The following PRH1 variants were observed in gnomAD, a reference collection of about 807,000 sequenced individuals.
PRH1 encodes the protein proline rich protein HaeIII subfamily 1, also known as salivary acidic proline-rich phosphoprotein 1/2.
In PRH1, 7 loss-of-function variants were observed where a neutral mutation model predicts 7.9. That is an observed-to-expected ratio of 0.89 (90% CI 0.50 to 1.67). PRH1 has a LOEUF of 1.67. Ranked by LOEUF, PRH1 falls within the 40% of genes most tolerant of loss-of-function variation. The pLI, the probability that PRH1 is intolerant of heterozygous loss-of-function variation, is 0.00. For missense variants in PRH1, 109 were observed against 223.6 expected (o/e 0.49, Z 3.27); for synonymous variants, 45 against 80.8 (o/e 0.56, Z 2.38).
intron 1 of PRH1, chr12:11,091,779 C>G (rs201455884): frequency 0.34 from 256,858 of 764,922 alleles, 77,988 homozygotes; most frequent in Admixed American, 0.45. Flanking sequence ...CGCACAATCT[C>G]ATTCATGTTT....
intron 1 of PRH1, among the ~76,000 whole-genome samples, chr12:11,143,965 G>A (rs1321667224): frequency 2.0e-5 from 3 of 152,190 alleles, no homozygotes; most frequent in East Asian, 1.9e-4. Flanking sequence ...CTCAGCCTTG[G>A]ACACCAGTGC....
At chr12:11,133,124 C>T in intron 1 of PRH1, 4 of 787,568 alleles carry the variant, frequency 5.1e-6, no homozygotes, top group South Asian at 3.8e-5. Context: ...TTTTCATACA[C>T]ACACACACAC....
chr12:11,061,294 A>G, intron 1 of PRH1: 1 of 1,530,430 alleles, frequency 6.5e-7, no homozygotes, highest in South Asian at 1.3e-5. Context: ...AAAACACAGT[A>G]AGAAATATAA....
intron 2 of PRH1, among the ~76,000 whole-genome samples, chr12:10,894,296 T>C (rs1949615463): frequency 6.6e-6 from 1 of 152,178 alleles, no homozygotes; most frequent in Non-Finnish European, 1.5e-5. Context: ...CTGTTGTAGA[T>C]GGTCAAGATT....
At chr12:10,983,288 T>A (rs1391296808) in intron 1 of PRH1, among the ~76,000 whole-genome samples, 3 of 152,150 alleles carry the variant, frequency 2.0e-5, no homozygotes, top group African/African-American at 7.2e-5. Flanking sequence ...CCTCTAAGCA[T>A]AAGCACTTCT....
At chr12:10,889,296 C>A (rs990859424) in intron 2 of PRH1, among the ~76,000 whole-genome samples, 2 of 152,154 alleles carry the variant, frequency 1.3e-5, no homozygotes, top group Admixed American at 1.3e-4. Context: ...ACATAAACAT[C>A]TGGTAGACCA....
intron 2 of PRH1, among the ~76,000 whole-genome samples, chr12:10,902,107 T>A (rs2135811218): frequency 6.6e-6 from 1 of 152,010 alleles, no homozygotes; most frequent in South Asian, 2.1e-4. Context: ...TGAAAATGAA[T>A]ACAGAGAGAT....
intron 1 of PRH1, among the ~76,000 whole-genome samples, chr12:11,056,200 T>G (rs1341465069): frequency 6.6e-6 from 1 of 152,284 alleles, no homozygotes; most frequent in Non-Finnish European, 1.5e-5. Flanking sequence ...ATTAGTTGTT[T>G]AATTAAAATA....
chr12:11,135,135 A>T (rs1946508248), intron 1 of PRH1, among the ~76,000 whole-genome samples: 1 of 152,154 alleles, frequency 6.6e-6, no homozygotes, highest in Admixed American at 6.6e-5. Context: ...TTATTATTTA[A>T]TTAAAATGTT....
chr12:10,917,867 A>G (rs1949994780), intron 2 of PRH1, among the ~76,000 whole-genome samples: 1 of 152,160 alleles, frequency 6.6e-6, no homozygotes, highest in South Asian at 2.1e-4. Context: ...AAGGCTCCTC[A>G]GGTTTTGCCT....
At chr12:10,945,578 G>A (rs932178390) in intron 2 of PRH1, among the ~76,000 whole-genome samples, 169 of 152,260 alleles carry the variant, frequency 1.1e-3, no homozygotes, top group African/African-American at 3.8e-3. Context: ...GAGGCAGGGC[G>A]AGATCACAGG....
chr12:10,889,177 T>C (rs143572347), upstream of PRH1, among the ~76,000 whole-genome samples: 700 of 152,360 alleles, frequency 4.6e-3, 6 homozygotes, highest in African/African-American at 0.016. Context: ...CATTTGGCTA[T>C]TATTTAAAGA....
In PRH1 at chr12:11,085,808, C is replaced by T. The variant is rs796191482; in HGVS notation, n.124-38620G>A. Among the ~76,000 whole-genome samples, 8 of 94,206 alleles carry T rather than the reference C, an allele frequency of 8.5e-5. 3 individuals carry two copies. The highest frequency in any genetic ancestry group is 6.6e-4 in the Admixed American group (6 of 9,052). The allele number at this position is 94,206 out of a possible 152,430, so 61.8% of individuals were successfully genotyped here. A position where few individuals can be genotyped will look rare whatever the true frequency, so the allele number is the denominator to read the frequency against. ...GAAATTTTTTCCTTGTTTAACCTGT[C>T]TATAATTTGTGTTCAGCAATGTCGG... On this transcript the variant is annotated intron_variant and non_coding_transcript_variant, in intron 1 of 4. Transcript: ENST00000541977.
At chr12:11,074,294 C>T (rs1313651505) in intron 1 of PRH1, among the ~76,000 whole-genome samples, 1 of 151,780 alleles carries the variant, frequency 6.6e-6, no homozygotes. Context: ...AGCATCCTGC[C>T]TTCTAATGTG....
chr12:10,982,863 C>T (rs1939423416), intron 1 of PRH1, among the ~76,000 whole-genome samples: 1 of 152,048 alleles, frequency 6.6e-6, no homozygotes, highest in Admixed American at 6.5e-5. Context: ...GGCATGTTGC[C>T]CTATATATAT....
intron 2 of PRH1, among the ~76,000 whole-genome samples, chr12:10,945,757 C>T (rs371021566): frequency 3.9e-5 from 6 of 152,226 alleles, no homozygotes; most frequent in African/African-American, 2.4e-5. Flanking sequence ...TACGGGAGAC[C>T]AGAGCTTATT....
At chr12:11,009,263 CA>C (rs1305217590) in intron 1 of PRH1, among the ~76,000 whole-genome samples, 1 of 151,786 alleles carries the variant, frequency 6.6e-6, no homozygotes, top group Non-Finnish European at 1.5e-5. Context: ...TGTTGAAAAT[CA>C]GTTTGTTATT....
rs1262562423 is a variant in PRH1, at chr12:11,111,219, C to T, written n.123+60203G>A. ...AATAATAGTGAGAGACTTTAACACCCCACAGTCAATATTAGACAGATCAAT... is the reference window on the plus strand; with the variant it reads ...AATAATAGTGAGAGACTTTAACACCTCACAGTCAATATTAGACAGATCAAT... On this transcript the variant is annotated intron_variant and non_coding_transcript_variant, in intron 1 of 4. Transcript: ENST00000541977. Among the ~76,000 whole-genome samples, 3 of 152,230 alleles carry T rather than the reference C, an allele frequency of 2.0e-5. No homozygotes were observed. In the East Asian group the frequency reaches 5.8e-4, roughly 29 times the overall value.
intron 2 of PRH1, among the ~76,000 whole-genome samples, chr12:10,917,032 T>C (rs552424867): frequency 6.6e-6 from 1 of 152,298 alleles, no homozygotes; most frequent in African/African-American, 2.4e-5. Flanking sequence ...GCCATGCTTA[T>C]GCCACTGCCA....
Sources: allele counts gnomAD v4.1 joint callset (sites outside exome capture counted in the v4.1 genomes callset), GRCh38; gene constraint gnomAD v4.1.1; transcripts MANE v1.5; gene names NCBI Gene and HGNC (gene_info 2026-07-23, HGNC 2026-07-21).